SLC24A1: variants seen among roughly 807,000 people sequenced by gnomAD.
SLC24A1 encodes the protein solute carrier family 24 member 1.
A neutral mutation model predicts 88.1 loss-of-function variants in SLC24A1; 52 were observed. The observed-to-expected ratio is 0.59, with a 90% CI of 0.47 to 0.74. SLC24A1 has a LOEUF of 0.74. Among genes scored for constraint, SLC24A1 ranks in the 30% least tolerant of loss-of-function variants. The probability of loss-of-function intolerance (pLI) is 0.00; values close to 1 mark genes in which losing one functional copy is unlikely to be tolerated. For missense variants in SLC24A1, 1,173 were observed against 1,363.3 expected, an observed-to-expected ratio of 0.86 and a Z score of 2.20; for synonymous variants, 455 against 498.0, an observed-to-expected ratio of 0.91 and a Z score of 1.15.
At chr15:65,636,515 G>A (rs921035851) in intron 2 of SLC24A1, among the ~76,000 whole-genome samples, 2 of 151,996 alleles carry the variant, frequency 1.3e-5, no homozygotes, top group Non-Finnish European at 2.9e-5. Context: ...CCAGGAGGTC[G>A]AGGCCACAAT....
intron 2 of SLC24A1, among the ~76,000 whole-genome samples, chr15:65,635,257 G>A (rs1238367550): frequency 6.6e-6 from 1 of 151,592 alleles, no homozygotes. Flanking sequence ...CGAGGCGGGT[G>A]GATCACAAGG....
rs1045002730 is a variant in SLC24A1, at chr15:65,651,475, G to A, written c.2794-195G>A. Among the ~76,000 whole-genome samples, 11 of 152,272 alleles carry A rather than the reference G, an allele frequency of 7.2e-5. 1 individual carries two copies. In the South Asian group the frequency reaches 1.0e-3, roughly 14 times the overall value. On this transcript the variant is annotated intron_variant, in intron 7 of 9. Coordinates refer to ENST00000261892, the MANE Select transcript of SLC24A1 (RefSeq NM_004727.3). ...CTACTGGCTGGACTCCCCTACAGGT[G>A]TACCCCCAACCTCCATCCTTTTCCA...
chr15:65,638,105 G>C (rs935707235), intron 2 of SLC24A1, 23 bp from the exon 3 acceptor site: 3 of 1,589,300 alleles, frequency 1.9e-6, no homozygotes, highest in Non-Finnish European at 2.6e-6. Context: ...ACAACATCTC[G>C]TGACTCCTCT....
In SLC24A1 at chr15:65,639,641, A is replaced by ACAGCACCATCCG. The variant is rs1411551503; in HGVS notation, c.2002_2013dup (p.Arg668_Ile671dup). On this transcript the variant is annotated inframe_insertion, in exon 4 of 10. Transcript: ENST00000261892. ...GGGAGCAGCTCGACCTCTCTGCACA[A>ACAGCACCATCCG]CAGCACCATCCGCAGCACCATCTAC... 1.4e-5 allele frequency: 23 copies of ACAGCACCATCCG among 1,612,954 alleles called. No homozygotes were observed. Among genetic ancestry groups the ACAGCACCATCCG allele is most frequent in the Non-Finnish European group, 1.8e-5 (21 of 1,179,596 alleles).
chr15:65,651,032 A>G, intron 7 of SLC24A1, 90 bp downstream of exon 7: 1 of 1,137,510 alleles, frequency 8.8e-7, no homozygotes, highest in Non-Finnish European at 1.3e-6. Context: ...AAGAGGAGGA[A>G]GAGGCCAGGG....
chr15:65,615,306 T>G (rs1044339481), intron 2 of SLC24A1, among the ~76,000 whole-genome samples: 2 of 152,208 alleles, frequency 1.3e-5, no homozygotes, highest in African/African-American at 4.8e-5. Flanking sequence ...ACTCACTCTC[T>G]TAAAACCTTA....
intron 4 of SLC24A1, among the ~76,000 whole-genome samples, chr15:65,642,050 CT>C (rs1354949519): frequency 6.6e-6 from 1 of 152,146 alleles, no homozygotes; most frequent in African/African-American, 2.4e-5. Flanking sequence ...CATGGAATGG[CT>C]CTCGTGACTG....
downstream of SLC24A1, chr15:65,659,322 G>GTTTT (rs869058369): frequency 2.7e-4 from 19 of 71,582 alleles, 3 homozygotes; most frequent in African/African-American, 3.9e-4. Context: ...ATATTTTCTG[G>GTTTT]TTTTTTTTTT....
At chr15:65,653,001 T>C (rs753978425) in intron 9 of SLC24A1, 193 bp downstream of exon 9, 67 of 420,126 alleles carry the variant, frequency 1.6e-4, no homozygotes, top group Non-Finnish European at 2.4e-4. Context: ...CCTAAAATGC[T>C]GCCTGAAATG....
chr15:65,644,297 C>T, intron 4 of SLC24A1, 130 bp from the exon 5 acceptor site: 1 of 711,022 alleles, frequency 1.4e-6, no homozygotes, highest in East Asian at 2.7e-5. Flanking sequence ...GATGTCACAA[C>T]CCCCATGGCA....
chr15:65,639,689 A>C lies in SLC24A1; in HGVS notation c.2039A>C (p.Asp680Ala). 6.2e-7 allele frequency: 1 copy of C among 1,610,900 alleles called. No individual in the cohort carries two copies. The highest frequency in any genetic ancestry group is 8.5e-7 in the Non-Finnish European group (1 of 1,178,448). The change falls in exon 4 of 10, where the codon GAC (aspartate) becomes GCC (alanine). Residue 680 changes from aspartate to alanine, a missense_variant. Coordinates refer to ENST00000261892, the MANE Select transcript of SLC24A1 (RefSeq NM_004727.3). ...TACCAGCTCATGCTCCACAGCCTGG[A>C]CCCCCTGAGGGAAGGTAAGCAAGGC... ...TIYQLMLHSL[D>A]PLREVRLAKE...
rs899575587 is a variant in SLC24A1, at chr15:65,654,604, G to A, written c.*525G>A. 8.2e-6 allele frequency: 10 copies of A among 1,219,622 alleles called. No homozygotes were observed. Among genetic ancestry groups the A allele is most frequent in the Non-Finnish European group, 1.0e-5 (10 of 961,418 alleles). 75.6% of individuals were successfully genotyped at this position (1,219,622 alleles called of 1,614,324 possible). A position where few individuals can be genotyped will look rare whatever the true frequency, so the allele number is the denominator to read the frequency against. On this transcript the variant is annotated 3_prime_UTR_variant, in exon 10 of 10. Coordinates refer to ENST00000261892, the MANE Select transcript of SLC24A1 (RefSeq NM_004727.3). Reference sequence around the variant, plus strand: ...AATCACTGTAGCTTCAGTTATTGGTGAGTCTAAGGATCCAAGGCTACAGAA... The same window carrying A: ...AATCACTGTAGCTTCAGTTATTGGTAAGTCTAAGGATCCAAGGCTACAGAA...
At chr15:65,658,203 C>A (rs1368253204), downstream of SLC24A1, 1 of 152,080 alleles carries the variant, frequency 6.6e-6, no homozygotes, top group Non-Finnish European at 1.5e-5. Context: ...TACTTTGAGG[C>A]CAAAGGAGCA....
intron 6 of SLC24A1, among the ~76,000 whole-genome samples, chr15:65,647,284 C>A (rs1490701884): frequency 6.6e-6 from 1 of 151,750 alleles, no homozygotes; most frequent in East Asian, 1.9e-4. Flanking sequence ...TTGAGACCAG[C>A]CTGGCCAACA....
At chr15:65,615,669 A>G (rs1274096041) in intron 2 of SLC24A1, among the ~76,000 whole-genome samples, 1 of 152,232 alleles carries the variant, frequency 6.6e-6, no homozygotes, top group Non-Finnish European at 1.5e-5. Context: ...CAACACAGCA[A>G]GACCCTGTCT....
chr15:65,613,673 T>TG (rs2074047743), intron 2 of SLC24A1, among the ~76,000 whole-genome samples: 1 of 152,044 alleles, frequency 6.6e-6, no homozygotes, highest in African/African-American at 2.4e-5. Context: ...TTTGTAGAGA[T>TG]GGGGGTCTCA....
upstream of SLC24A1, among the ~76,000 whole-genome samples, chr15:65,620,279 G>A (rs2074278470): frequency 6.6e-6 from 1 of 151,986 alleles, no homozygotes; most frequent in South Asian, 2.1e-4. Context: ...TAAATACACG[G>A]TAGAGTGTTG....
At position 65,613,611 on chromosome 15, in the gene SLC24A1, C is replaced by T. The variant is rs561305448; in HGVS notation, c.-228+998C>T. On this transcript the variant is annotated intron_variant, in intron 2 of 11. Transcript: ENST00000537259. ...AATCCCCCCCAACCTCAACCTCCCA[C>T]GTAGCTGGGACTACAGGCATGTGCC... 1.8e-3 allele frequency among the ~76,000 whole-genome samples: 277 copies of T among 152,032 alleles called. 3 individuals carry two copies. Among genetic ancestry groups the T allele is most frequent in the Non-Finnish European group, 1.5e-3 (99 of 67,986 alleles).
intron 4 of SLC24A1, chr15:65,643,085 G>A (rs2075185072): frequency 8.3e-7 from 1 of 1,211,150 alleles, no homozygotes; most frequent in Admixed American, 2.3e-5. Context: ...AAAAGTTATA[G>A]AGTGCTTTCT....
Sources: allele counts gnomAD v4.1 joint callset (sites outside exome capture counted in the v4.1 genomes callset), GRCh38; gene constraint gnomAD v4.1.1; transcripts MANE v1.5; gene names NCBI Gene and HGNC (gene_info 2026-07-23, HGNC 2026-07-21).